The following ANKS1B variants were observed in gnomAD, a reference collection of about 807,000 sequenced individuals.
ANKS1B encodes ankyrin repeat and sterile alpha motif domain containing 1B, also known as ankyrin repeat and sterile alpha motif domain-containing protein 1B.
Under a neutral mutation model 148.3 loss-of-function variants are expected in ANKS1B, and 36 were observed. The ratio of observed to expected loss-of-function variants is 0.24; its 90% confidence interval spans 0.19 to 0.32. ANKS1B has a LOEUF of 0.32. ANKS1B is among the 10% of genes least tolerant of loss of function. The probability of loss-of-function intolerance (pLI) is 1.00; values close to 1 mark genes in which losing one functional copy is unlikely to be tolerated. For missense variants in ANKS1B, 1,157 were observed against 1,542.6 expected (o/e 0.75, Z 4.19); for synonymous variants, 542 against 560.8 (o/e 0.97, Z 0.47).
chr12:98,850,459 ATTTTTTTTTT>A (rs59294440), intron 17 of ANKS1B, among the ~76,000 whole-genome samples: 5 of 70,486 alleles, frequency 7.1e-5, no homozygotes, highest in South Asian at 6.9e-4. Context: ...GAAGCATTGC[ATTTTTTTTTT>A]TTTTTTTTTT....
intron 9 of ANKS1B, among the ~76,000 whole-genome samples, chr12:99,569,283 G>A (rs1238902838): frequency 6.6e-6 from 1 of 152,142 alleles, no homozygotes; most frequent in South Asian, 2.1e-4. Flanking sequence ...GCAGTGTAGC[G>A]AGAGGCTGGG....
At chr12:99,415,565 T>C (rs1167787786) in intron 11 of ANKS1B, among the ~76,000 whole-genome samples, 4 of 152,218 alleles carry the variant, frequency 2.6e-5, no homozygotes, top group Non-Finnish European at 4.4e-5. Flanking sequence ...TGAGAAATCA[T>C]AGAGTGCACT....
chr12:99,273,976 G>A (rs1298160155), intron 12 of ANKS1B, among the ~76,000 whole-genome samples: 1 of 152,036 alleles, frequency 6.6e-6, no homozygotes, highest in Non-Finnish European at 1.5e-5. Context: ...TCCCAGGGAA[G>A]CCAAAAGATT....
At chr12:98,867,260 T>C (rs935770022) in intron 17 of ANKS1B, among the ~76,000 whole-genome samples, 1 of 152,158 alleles carries the variant, frequency 6.6e-6, no homozygotes, top group African/African-American at 2.4e-5. Flanking sequence ...AGAAATCACA[T>C]CTCAAGGAAA....
chr12:99,908,657 T>C (rs557000209), intron 1 of ANKS1B, among the ~76,000 whole-genome samples: 8 of 152,316 alleles, frequency 5.3e-5, no homozygotes, highest in African/African-American at 1.9e-4. Flanking sequence ...AAGAAGCCAA[T>C]GTCAATCTCT....
intron 8 of ANKS1B, 150 bp downstream of exon 8, chr12:99,772,772 C>T: frequency 5.3e-6 from 4 of 760,444 alleles, no homozygotes. Flanking sequence ...GCGAGTAAAA[C>T]CCCAAAGAAC....
intron 12 of ANKS1B, among the ~76,000 whole-genome samples, chr12:99,262,559 C>T (rs889149200): frequency 6.6e-6 from 1 of 151,960 alleles, no homozygotes; most frequent in Admixed American, 6.6e-5. Context: ...AAGAAAGACA[C>T]TCATAATTCC....
At chr12:99,158,119 C>T (rs1319988381) in intron 14 of ANKS1B, among the ~76,000 whole-genome samples, 2 of 152,036 alleles carry the variant, frequency 1.3e-5, no homozygotes, top group East Asian at 1.9e-4. Flanking sequence ...TGTTTGTTTG[C>T]GGTTTTGTTG....
At chr12:99,797,924 T>C (rs1004923762) in intron 4 of ANKS1B, among the ~76,000 whole-genome samples, 3 of 151,954 alleles carry the variant, frequency 2.0e-5, no homozygotes, top group Non-Finnish European at 2.9e-5. Flanking sequence ...TTTGGCGTTA[T>C]ATATTTCTGT....
chr12:99,145,875 C>T (rs920073744), intron 15 of ANKS1B, among the ~76,000 whole-genome samples: 1 of 151,916 alleles, frequency 6.6e-6, no homozygotes, highest in Admixed American at 6.6e-5. Flanking sequence ...GTTTCATCCT[C>T]TTTATTTCTA....
intron 12 of ANKS1B, among the ~76,000 whole-genome samples, chr12:99,303,183 G>A (rs554376899): frequency 2.6e-5 from 4 of 152,110 alleles, no homozygotes; most frequent in African/African-American, 9.7e-5. Context: ...AATTACATTT[G>A]TTACATGGGG....
intron 1 of ANKS1B, among the ~76,000 whole-genome samples, chr12:99,882,647 G>C (rs930682090): frequency 1.3e-5 from 2 of 152,156 alleles, no homozygotes; most frequent in Admixed American, 1.3e-4. Context: ...TTGCGGGAAA[G>C]GGTGGGGAAG....
chr12:98,939,378 G>T (rs1370348947), intron 17 of ANKS1B, among the ~76,000 whole-genome samples: 1 of 152,194 alleles, frequency 6.6e-6, no homozygotes, highest in Non-Finnish European at 1.5e-5. Flanking sequence ...CCTATAAATT[G>T]GCTGAAGTTC....
At chr12:99,722,482 A>G (rs965993698) in intron 8 of ANKS1B, among the ~76,000 whole-genome samples, 4 of 152,236 alleles carry the variant, frequency 2.6e-5, no homozygotes, top group Admixed American at 6.5e-5. Flanking sequence ...GGATGACAGT[A>G]CATTTGTTTA....
chr12:99,131,961 G>A (rs1391827988), intron 15 of ANKS1B, among the ~76,000 whole-genome samples: 1 of 152,082 alleles, frequency 6.6e-6, no homozygotes, highest in African/African-American at 2.4e-5. Context: ...GTCTCTGGTT[G>A]GTGTCTGATG....
At chr12:99,320,867 A>C (rs1262138194) in intron 12 of ANKS1B, among the ~76,000 whole-genome samples, 1 of 152,180 alleles carries the variant, frequency 6.6e-6, no homozygotes, top group South Asian at 2.1e-4. Context: ...AGTGATGTGC[A>C]GATGGGGTTT....
chr12:99,589,196 G>A (rs756150694), intron 9 of ANKS1B, among the ~76,000 whole-genome samples: 1 of 152,180 alleles, frequency 6.6e-6, no homozygotes, highest in African/African-American at 2.4e-5. Flanking sequence ...GATTTCCAAG[G>A]CCTTTTCAAA....
chr12:99,727,310 T>C (rs2058709622), intron 8 of ANKS1B, among the ~76,000 whole-genome samples: 1 of 151,994 alleles, frequency 6.6e-6, no homozygotes, highest in East Asian at 1.9e-4. Flanking sequence ...ACAAAATCAA[T>C]GTGCAAAAAT....
intron 12 of ANKS1B, among the ~76,000 whole-genome samples, chr12:99,381,673 T>G (rs1022429948): frequency 6.6e-6 from 1 of 152,190 alleles, no homozygotes; most frequent in African/African-American, 2.4e-5. Flanking sequence ...GGAGTAATTT[T>G]CAGGAATGAC....
Sources: gnomAD v4.1 joint callset for allele counts (sites outside exome capture counted in the v4.1 genomes callset) on GRCh38, gnomAD v4.1.1 for gene constraint, MANE v1.5 for transcripts, NCBI Gene and HGNC (gene_info 2026-07-23, HGNC 2026-07-21) for gene names.